Variants in C3orf70 observed in about 807,000 individuals in gnomAD.
The protein encoded by C3orf70 is chromosome 3 open reading frame 70, also known as UPF0524 protein C3orf70.
C3orf70 carries 15 observed loss-of-function variants against 20.7 expected under a neutral mutation model. The ratio of observed to expected loss-of-function variants is 0.72; its 90% CI spans 0.48 to 1.11. The LOEUF (loss-of-function observed/expected upper bound fraction) is 1.11. C3orf70 is among the 50% of genes most tolerant of loss of function. The probability of loss-of-function intolerance (pLI) is 0.00; values close to 1 mark genes in which losing one functional copy is unlikely to be tolerated. For synonymous variants in C3orf70, 161 were observed against 125.7 expected, an observed-to-expected ratio of 1.28 and a Z score of -1.88; for missense variants, 332 against 317.6, an observed-to-expected ratio of 1.05 and a Z score of -0.34.
Position 185,082,995 on chromosome 3 carries a change from C to T in C3orf70, c.*12G>A, listed in dbSNP as rs1237807160. Reference sequence around the variant, plus strand: ...GGCGTGGGTCCGAGGCTGTGGCTTCCTGTCTGGACTCTCACACAGTCGTTT... The same window carrying T: ...GGCGTGGGTCCGAGGCTGTGGCTTCTTGTCTGGACTCTCACACAGTCGTTT... On this transcript the variant is annotated 3_prime_UTR_variant, in exon 2 of 2. Transcript: ENST00000335012. 1 of 1,606,860 alleles carries T rather than the reference C, an allele frequency of 6.2e-7. No individual in the cohort carries two copies. Among genetic ancestry groups the T allele is most frequent in the Admixed American group, 1.7e-5 (1 of 59,580 alleles).
At chr3:185,103,954 C>T (rs1047917886) in intron 1 of C3orf70, among the ~76,000 whole-genome samples, 2 of 152,136 alleles carry the variant, frequency 1.3e-5, no homozygotes, top group Non-Finnish European at 2.9e-5. Context: ...GTTATACAAA[C>T]AAGAGAAAGG....
At chr3:185,118,045 T>C (rs1008519259) in intron 1 of C3orf70, among the ~76,000 whole-genome samples, 1 of 152,198 alleles carries the variant, frequency 6.6e-6, no homozygotes, top group Non-Finnish European at 1.5e-5. Flanking sequence ...TTACAATTTT[T>C]TGTGATTATT....
chr3:185,098,144 G>A (rs546624461), intron 1 of C3orf70, among the ~76,000 whole-genome samples: 2 of 152,244 alleles, frequency 1.3e-5, no homozygotes, highest in South Asian at 2.1e-4. Context: ...TGCCAGAGAC[G>A]CCAGCCCCAC....
intron 1 of C3orf70, among the ~76,000 whole-genome samples, chr3:185,122,442 C>T (rs1716324364): frequency 6.6e-6 from 1 of 152,170 alleles, no homozygotes; most frequent in East Asian, 1.9e-4. Flanking sequence ...ATCAAAATCC[C>T]TAAAGTCGAA....
intron 1 of C3orf70, among the ~76,000 whole-genome samples, chr3:185,149,552 A>G (rs1716948082): frequency 2.0e-5 from 3 of 152,198 alleles, no homozygotes; most frequent in Admixed American, 1.3e-4. Flanking sequence ...GAAGGTGTTC[A>G]ATATATGTTC....
rs918738530 is a variant in C3orf70 at position 185,077,648 on chromosome 3, C to G, written c.*5359G>C. The stretch of plus-strand genomic sequence containing the variant: ...CCCTGAGTCTTGGTGACCAAGCGAC[C>G]CCCCCAAGCTCTGCCGGGCAGCAGC... On this transcript the variant is annotated 3_prime_UTR_variant, in exon 2 of 2. Transcript: ENST00000335012. 2.6e-5 allele frequency among the ~76,000 whole-genome samples: 4 copies of G among 152,184 alleles called. No homozygotes were observed. The highest frequency in any genetic ancestry group is 2.1e-4 in the South Asian group (1 of 4,814).
intron 1 of C3orf70, among the ~76,000 whole-genome samples, chr3:185,094,592 G>A (rs892335378): frequency 6.6e-6 from 1 of 151,660 alleles, no homozygotes; most frequent in Non-Finnish European, 1.5e-5. Context: ...TGAACCTACA[G>A]ACACGGCTAA....
chr3:185,138,853 A>G lies in C3orf70; in HGVS notation c.196+13775T>C, dbSNP rs540081567. Among the ~76,000 whole-genome samples, 347 of 152,262 alleles carry G rather than the reference A, an allele frequency of 2.3e-3. 3 individuals carry two copies. Among genetic ancestry groups the G allele is most frequent in the African/African-American group, 7.9e-3 (327 of 41,540 alleles). On this transcript the variant is annotated intron_variant, in intron 1 of 1. Coordinates refer to ENST00000335012, the MANE Select transcript of C3orf70 (RefSeq NM_001025266.3). Reference sequence around the variant, plus strand: ...AGTGGCTCACACCTGTAATCCCAACACTCTGAGAGGCCAAGGTGGGAGGAC... The same window carrying G: ...AGTGGCTCACACCTGTAATCCCAACGCTCTGAGAGGCCAAGGTGGGAGGAC...
chr3:185,089,617 T>C (rs1048377877), intron 1 of C3orf70, among the ~76,000 whole-genome samples: 1 of 152,190 alleles, frequency 6.6e-6, no homozygotes, highest in Non-Finnish European at 1.5e-5. Context: ...GTGAAGATAA[T>C]ACCTTATTAT....
Position 185,086,777 on chromosome 3 carries a change from TATC to T in C3orf70, c.197-3217_197-3215del, listed in dbSNP as rs1386766629. On this transcript the variant is annotated intron_variant, in intron 1 of 1. Coordinates refer to ENST00000335012, the MANE Select transcript of C3orf70 (RefSeq NM_001025266.3). ...ACTCAGAGCGAGGGTGAGAGCCTAT[TATC>T]TGGTGATATGGGGATGCAAAGAAAG... Among the ~76,000 whole-genome samples, 17 of 152,268 alleles carry T rather than the reference TATC, an allele frequency of 1.1e-4. No homozygotes were observed. In the East Asian group the frequency reaches 3.1e-3, roughly 28 times the overall value.
At position 185,082,184 on chromosome 3, in the gene C3orf70, T is replaced by C. The variant is rs1346193043; in HGVS notation, c.*823A>G. 1 of 152,036 alleles carries C rather than the reference T, an allele frequency of 6.6e-6. No homozygotes were observed. Among genetic ancestry groups the C allele is most frequent in the Non-Finnish European group, 1.5e-5 (1 of 68,002 alleles). 9.4% of individuals were successfully genotyped at this position (152,036 alleles called of 1,614,324 possible). Reference sequence around the variant, plus strand: ...CCAGCTAGCCCCAGCCAAGTAAACCTCATCCTTCCCCTGGGTTCCCAGAGC... The same window carrying C: ...CCAGCTAGCCCCAGCCAAGTAAACCCCATCCTTCCCCTGGGTTCCCAGAGC... On this transcript the variant is annotated 3_prime_UTR_variant, in exon 2 of 2. Coordinates refer to ENST00000335012, the MANE Select transcript of C3orf70 (RefSeq NM_001025266.3).
At position 185,152,893 on chromosome 3, in the gene C3orf70, G is replaced by T. The variant is rs1350311683; in HGVS notation, c.-70C>A. The stretch of plus-strand genomic sequence containing the variant: ...GCGACGTCTGGGTGGGCAGGAAGCC[G>T]AGCCGGCTGCGGACGCGGGAGGGCG... On this transcript the variant is annotated 5_prime_UTR_variant, in exon 1 of 2. Transcript: ENST00000335012. 2 of 1,357,434 alleles carry T rather than the reference G, an allele frequency of 1.5e-6. No individual in the cohort carries two copies. The highest frequency in any genetic ancestry group is 1.6e-5 in the South Asian group (1 of 62,254). 84.1% of individuals were successfully genotyped at this position (1,357,434 alleles called of 1,614,324 possible). A position where few individuals can be genotyped will look rare whatever the true frequency, so the allele number is the denominator to read the frequency against.
chr3:185,127,484 G>A (rs1716436416), intron 1 of C3orf70, among the ~76,000 whole-genome samples: 1 of 152,124 alleles, frequency 6.6e-6, no homozygotes, highest in South Asian at 2.1e-4. Flanking sequence ...TTGTCACCCA[G>A]GATGGAGTGC....
In C3orf70 at chr3:185,083,311, G is replaced by A. The variant is rs61747892; in HGVS notation, c.449C>T (p.Pro150Leu). The part of the protein sequence containing the change: ...NGKMCYVQKQ[P>L]APHSHRMSPE... ...GCTCATTCTGTGGGAATGTGGTGCC[G>A]GCTGCTTCTGCACATAACACATCTT... Residue 150 changes from proline to leucine, a missense_variant, in exon 2 of 2, where the codon CCG becomes CTG. By Grantham distance (98) the Pro-to-Leu change is moderately conservative. Coordinates refer to ENST00000335012, the MANE Select transcript of C3orf70 (RefSeq NM_001025266.3). 4.4e-3 allele frequency: 7,129 copies of A among 1,614,144 alleles called. 227 individuals carry two copies. In the African/African-American group the frequency reaches 0.082, roughly 19 times the overall value.
rs869291177 is a variant in C3orf70 at position 185,091,912 on chromosome 3, CATATATATAT to C, written c.197-8359_197-8350del. On this transcript the variant is annotated intron_variant, in intron 1 of 1. Transcript: ENST00000335012. ...ATACACACATACACACACACACATA[CATATATATAT>C]ATATATATATATATATATATATATA... Among the ~76,000 whole-genome samples, 258 of 35,810 alleles carry C rather than the reference CATATATATAT, an allele frequency of 7.2e-3. 32 individuals carry two copies. The highest frequency in any genetic ancestry group is 0.033 in the Middle Eastern group (1 of 30). The allele number at this position is 35,810 out of a possible 152,430, so 23.5% of individuals were successfully genotyped here. A position where few individuals can be genotyped will look rare whatever the true frequency, so the allele number is the denominator to read the frequency against.
In C3orf70 at chr3:185,081,258, C is replaced by CA. The variant is rs1715330272; in HGVS notation, c.*1748dup. The CA allele has an allele frequency of 6.6e-6, 1 of 152,078 alleles. No homozygotes were observed. The highest frequency in any genetic ancestry group is 1.5e-5 in the Non-Finnish European group (1 of 68,112). 9.4% of individuals were successfully genotyped at this position (152,078 alleles called of 1,614,324 possible). On this transcript the variant is annotated 3_prime_UTR_variant, in exon 2 of 2. Coordinates refer to ENST00000335012, the MANE Select transcript of C3orf70 (RefSeq NM_001025266.3). ...TGAAAGCCCGTCTCTACTAAAAATA[C>CA]AAAAAATTAGCCAGGTGTGGTGGCA...
chr3:185,083,218 C>T lies in C3orf70; in HGVS notation c.542G>A (p.Cys181Tyr), dbSNP rs1715387448. 1 of 1,614,168 alleles carries T rather than the reference C, an allele frequency of 6.2e-7. No individual in the cohort carries two copies. The highest frequency in any genetic ancestry group is 1.3e-5 in the African/African-American group (1 of 75,034). The change falls in exon 2 of 2, where the codon TGC becomes TAC. Residue 181 changes from cysteine (C) to tyrosine (Y), a missense_variant. By Grantham distance (194) the Cys-to-Tyr change is radical. Coordinates refer to ENST00000335012, the MANE Select transcript of C3orf70 (RefSeq NM_001025266.3). ...GTCCTCAGAACTTGAGGGAGAAGAG[C>T]AGTGATCTATTTTTGGTGTATTGCT... ...KESNTPKIDH[C>Y]SSPSSSEDSG... is the part of the protein sequence containing the mutation.
chr3:185,101,860 A>G (rs529875149), intron 1 of C3orf70, among the ~76,000 whole-genome samples: 2 of 152,324 alleles, frequency 1.3e-5, no homozygotes, highest in South Asian at 2.1e-4. Flanking sequence ...AAAGGCTTTC[A>G]ATAAAGTTCA....
At chr3:185,139,278 C>T (rs1371443971) in intron 1 of C3orf70, among the ~76,000 whole-genome samples, 1 of 151,906 alleles carries the variant, frequency 6.6e-6, no homozygotes, top group Non-Finnish European at 1.5e-5. Flanking sequence ...CCCAGCCAGG[C>T]TTGGTGGCTC....
Sources: allele counts gnomAD v4.1 joint callset (sites outside exome capture counted in the v4.1 genomes callset), GRCh38; gene constraint gnomAD v4.1.1; transcripts MANE v1.5; gene names NCBI Gene and HGNC (gene_info 2026-07-23, HGNC 2026-07-21).